The following LIMCH1 variants were observed in gnomAD, a reference collection of about 807,000 sequenced individuals.
LIMCH1 encodes the protein LIM and calponin homology domains-containing protein 1.
LIMCH1 carries 113 observed loss-of-function variants against 176.5 expected under a neutral mutation model. That is an observed-to-expected ratio of 0.64 (90% CI 0.55 to 0.75). The LOEUF (loss-of-function observed/expected upper bound fraction) is 0.75, where lower values mean the gene tolerates loss of function less well. LIMCH1 is among the 30% of genes least tolerant of loss of function. LIMCH1 has a pLI of 0.00. For synonymous variants in LIMCH1, 619 were observed against 645.9 expected (o/e 0.96, Z 0.63); for missense variants, 1,674 against 1,814.9 (o/e 0.92, Z 1.41).
chr4:41,624,389 C>T (rs745569066), intron 7 of LIMCH1, among the ~76,000 whole-genome samples: 1 of 152,018 alleles, frequency 6.6e-6, no homozygotes, highest in Non-Finnish European at 1.5e-5. Context: ...AAGTGCCAGA[C>T]ATGGATTCCT....
chr4:41,671,142 G>A (rs2095007787), intron 21 of LIMCH1: 1 of 333,316 alleles, frequency 3.0e-6, no homozygotes, highest in African/African-American at 2.2e-5. Flanking sequence ...TTGCTTCCTG[G>A]GTGACATCTG....
At chr4:41,526,357 C>G (rs557209146) in intron 3 of LIMCH1, among the ~76,000 whole-genome samples, 1 of 149,680 alleles carries the variant, frequency 6.7e-6, no homozygotes, top group Admixed American at 6.7e-5. Flanking sequence ...CATCTTTAGT[C>G]CAAAAAAATA....
chr4:41,427,943 GAAA>G (rs11365470), intron 1 of LIMCH1, among the ~76,000 whole-genome samples: 3 of 129,758 alleles, frequency 2.3e-5, no homozygotes, highest in African/African-American at 2.7e-5. Flanking sequence ...CATCTATTTG[GAAA>G]AAAAAAAAAA....
chr4:41,633,781 C>T lies in LIMCH1; in HGVS notation c.2063C>T (p.Ser688Phe), dbSNP rs755993823. The stretch of plus-strand genomic sequence containing the variant: ...AAGCAACAGGATGTGGAAGAATCTT[C>T]TAAAGGTCTACCCATGAAAGATCAG... The part of the protein sequence containing the change: ...FAKQQDVEES[S>F]KGLPMKDQRY... Residue 688 changes from serine (S) to phenylalanine (F), a missense_variant, in exon 13 of 32, where the codon TCT becomes TTT. Physicochemically the swap from Ser to Phe is radical, Grantham distance 155 (BLOSUM62 -2). Coordinates refer to ENST00000503057, the MANE Select transcript of LIMCH1 (RefSeq NM_001330672.2). 1.0e-5 allele frequency: 16 copies of T among 1,536,066 alleles called. No individual in the cohort carries two copies. The highest frequency in any genetic ancestry group is 3.6e-5 in the South Asian group (3 of 84,072).
intron 1 of LIMCH1, among the ~76,000 whole-genome samples, chr4:41,477,140 C>T (rs2067866650): frequency 6.6e-6 from 1 of 152,186 alleles, no homozygotes; most frequent in Admixed American, 6.5e-5. Context: ...GGTCTGCCAC[C>T]TGCTAGCTAT....
At chr4:41,435,413 AT>A in intron 1 of LIMCH1, among the ~76,000 whole-genome samples, 1 of 152,222 alleles carries the variant, frequency 6.6e-6, no homozygotes. Flanking sequence ...CCCTGCCAAC[AT>A]CTGGACATTA....
chr4:41,397,503 T>A (rs1451609774), intron 1 of LIMCH1, among the ~76,000 whole-genome samples: 1 of 152,226 alleles, frequency 6.6e-6, no homozygotes, highest in Non-Finnish European at 1.5e-5. Context: ...CCCTATGGAT[T>A]CCAAACTTAC....
chr4:41,457,407 T>C (rs1554055957), intron 1 of LIMCH1, among the ~76,000 whole-genome samples: 1 of 152,174 alleles, frequency 6.6e-6, no homozygotes, highest in Non-Finnish European at 1.5e-5. Flanking sequence ...ATTATACCAT[T>C]GGCTTGAGAG....
intron 1 of LIMCH1, among the ~76,000 whole-genome samples, chr4:41,478,441 C>T (rs2068071355): frequency 6.6e-6 from 1 of 152,170 alleles, no homozygotes; most frequent in South Asian, 2.1e-4. Context: ...GAGCATTTCA[C>T]CATGTTTTAT....
rs535410100 is a variant in LIMCH1, at chr4:41,373,414, G to A, written c.96+12478G>A. 1.9e-4 allele frequency among the ~76,000 whole-genome samples: 29 copies of A among 152,334 alleles called. No individual in the cohort carries two copies. The South Asian group carries it at 2.1e-3, about 11-fold the overall frequency. Reference sequence around the variant, plus strand: ...TGCATGGTCCTGGCACCGAAGATAGGAATCCTCCGTGCTTCTTGGCCCGGC... The same window carrying A: ...TGCATGGTCCTGGCACCGAAGATAGAAATCCTCCGTGCTTCTTGGCCCGGC... On this transcript the variant is annotated intron_variant, in intron 1 of 26. Transcript: ENST00000313860.
At chr4:41,539,017 C>T (rs576706898) in intron 1 of LIMCH1, among the ~76,000 whole-genome samples, 2 of 152,144 alleles carry the variant, frequency 1.3e-5, no homozygotes, top group South Asian at 4.2e-4. Flanking sequence ...CCGTCAGACC[C>T]GTCTGAATGC....
chr4:41,437,978 T>C (rs1394057978), intron 1 of LIMCH1, among the ~76,000 whole-genome samples: 1 of 152,240 alleles, frequency 6.6e-6, no homozygotes, highest in Non-Finnish European at 1.5e-5. Flanking sequence ...ATCCATTCCA[T>C]GATGCACTGA....
intron 1 of LIMCH1, among the ~76,000 whole-genome samples, chr4:41,485,076 G>T (rs1232590121): frequency 1.3e-5 from 2 of 152,138 alleles, no homozygotes; most frequent in Non-Finnish European, 2.9e-5. Flanking sequence ...ATATCACATT[G>T]TAAACACACT....
At chr4:41,419,486 T>A (rs921327182) in intron 1 of LIMCH1, among the ~76,000 whole-genome samples, 1 of 152,128 alleles carries the variant, frequency 6.6e-6, no homozygotes, top group African/African-American at 2.4e-5. Context: ...GTCATTAAGT[T>A]TTTTTTAATG....
At chr4:41,614,557 C>T (rs556642291) in intron 5 of LIMCH1, among the ~76,000 whole-genome samples, 2 of 152,188 alleles carry the variant, frequency 1.3e-5, no homozygotes, top group South Asian at 2.1e-4. Context: ...CTCTGAGATC[C>T]GAATTATCTT....
At position 41,598,974 on chromosome 4, in the gene LIMCH1, C is replaced by T. The variant is rs2089437844; in HGVS notation, c.-186C>T. The T allele has an allele frequency of 6.2e-7, 1 of 1,612,480 alleles. No homozygotes were observed. Among genetic ancestry groups the T allele is most frequent in the African/African-American group, 1.3e-5 (1 of 74,850 alleles). ...TAAAGAGCTCGGCCTTAAAGAATCT[C>T]AACTTTTTGACCCGAGTGACCTCCA... On this transcript the variant is annotated 5_prime_UTR_variant, in exon 2 of 32. Coordinates refer to ENST00000503057, the MANE Select transcript of LIMCH1 (RefSeq NM_001330672.2).
chr4:41,508,504 A>G (rs1323389352), intron 2 of LIMCH1, among the ~76,000 whole-genome samples: 2 of 152,114 alleles, frequency 1.3e-5, no homozygotes, highest in East Asian at 1.9e-4. Context: ...GATGCATTCA[A>G]CTTGCTCAAG....
At chr4:41,608,504 G>A (rs1037342554) in intron 4 of LIMCH1, among the ~76,000 whole-genome samples, 1 of 152,140 alleles carries the variant, frequency 6.6e-6, no homozygotes, top group African/African-American at 2.4e-5. Context: ...CTTTCACAAA[G>A]GAGATTATCC....
intron 2 of LIMCH1, among the ~76,000 whole-genome samples, chr4:41,501,282 T>C (rs961369277): frequency 7.2e-5 from 11 of 152,234 alleles, no homozygotes; most frequent in Non-Finnish European, 1.2e-4. Context: ...TGGCTTACCA[T>C]TTTCTATCTG....
Sources: gnomAD v4.1 joint callset for allele counts (sites outside exome capture counted in the v4.1 genomes callset) on GRCh38, gnomAD v4.1.1 for gene constraint, MANE v1.5 for transcripts, NCBI Gene and HGNC (gene_info 2026-07-23, HGNC 2026-07-21) for gene names.